CEP112: variants seen among roughly 807,000 people sequenced by gnomAD.
CEP112 encodes the protein centrosomal protein 112, also known as centrosomal protein of 112 kDa.
Under a neutral mutation model 153.0 loss-of-function variants are expected in CEP112, and 127 were observed. That is an observed-to-expected ratio of 0.83 (90% CI 0.72 to 0.96). The LOEUF (loss-of-function observed/expected upper bound fraction) is 0.96. Among genes scored for constraint, CEP112 ranks in the 40% least tolerant of loss-of-function variants. The probability of loss-of-function intolerance (pLI) is 0.00; values close to 1 mark genes in which losing one functional copy is unlikely to be tolerated. For synonymous variants in CEP112, 358 were observed against 374.4 expected (o/e 0.96, Z 0.51); for missense variants, 1,089 against 1,101.2 (o/e 0.99, Z 0.16).
intron 21 of CEP112, among the ~76,000 whole-genome samples, chr17:65,802,193 C>T (rs959881820): frequency 6.6e-6 from 1 of 152,122 alleles, no homozygotes; most frequent in Non-Finnish European, 1.5e-5. Flanking sequence ...AACAATAAGT[C>T]TTCCAGTTTT....
intron 20 of CEP112, among the ~76,000 whole-genome samples, chr17:65,871,848 T>A (rs1487529014): frequency 1.3e-5 from 2 of 152,196 alleles, no homozygotes; most frequent in Admixed American, 6.5e-5. Flanking sequence ...GTTTATAGTG[T>A]CAGTAGAGAG....
chr17:65,689,906 T>C (rs1024763406), intron 23 of CEP112, among the ~76,000 whole-genome samples: 4 of 152,136 alleles, frequency 2.6e-5, no homozygotes, highest in African/African-American at 9.7e-5. Context: ...GCTATTTCTA[T>C]AATGACACTG....
chr17:66,019,740 A>T (rs1250022870), intron 16 of CEP112, among the ~76,000 whole-genome samples: 1 of 152,216 alleles, frequency 6.6e-6, no homozygotes, highest in East Asian at 1.9e-4. Flanking sequence ...AAAGGGAATC[A>T]CTGTAGTTAT....
chr17:66,132,165 T>C (rs1251668608), intron 5 of CEP112, among the ~76,000 whole-genome samples: 2 of 34,908 alleles, frequency 5.7e-5, no homozygotes, highest in African/African-American at 2.8e-4. Context: ...TGAGACTCCA[T>C]CTCAAAAAAA....
Position 65,987,263 on chromosome 17 carries a change from A to G in CEP112, c.1736+18427T>C, listed in dbSNP as rs532107539. ...GGATATGATTAAGATGAAAAATAGA[A>G]AAGAAGCAAAAATGCAGAGCACAAT... On this transcript the variant is annotated intron_variant, in intron 17 of 26. Coordinates refer to ENST00000535342, the MANE Select transcript of CEP112 (RefSeq NM_001199165.4). 1.3e-5 allele frequency among the ~76,000 whole-genome samples: 2 copies of G among 152,272 alleles called. 1 individual carries two copies. The highest frequency in any genetic ancestry group is 2.9e-5 in the Non-Finnish European group (2 of 68,012).
intron 4 of CEP112, among the ~76,000 whole-genome samples, chr17:66,164,258 GT>G (rs1568564960): frequency 6.6e-6 from 1 of 152,096 alleles, no homozygotes; most frequent in Non-Finnish European, 1.5e-5. Flanking sequence ...ATAAAAGATT[GT>G]CAAATTAGTC....
chr17:65,817,966 A>T lies in CEP112; in HGVS notation c.2394+33838T>A, dbSNP rs1236862232. Among the ~76,000 whole-genome samples the T allele has an allele frequency of 3.3e-5, 5 of 151,966 alleles. No individual in the cohort carries two copies. The East Asian group carries it at 9.6e-4, about 29-fold the overall frequency. On this transcript the variant is annotated intron_variant, in intron 21 of 26. Transcript: ENST00000535342. ...GAAATAAACTAATTTGCATTTTTTT[A>T]AAAACCTGTGTTAAAATATATTTTC...
At chr17:66,021,129 C>T (rs908775775) in intron 16 of CEP112, among the ~76,000 whole-genome samples, 19 of 152,084 alleles carry the variant, frequency 1.2e-4, no homozygotes, top group African/African-American at 4.1e-4. Flanking sequence ...AGGCCAGGAG[C>T]GTGTGAAAAG....
intron 4 of CEP112, among the ~76,000 whole-genome samples, chr17:66,147,857 G>A (rs1053590099): frequency 6.6e-6 from 1 of 152,050 alleles, no homozygotes; most frequent in African/African-American, 2.4e-5. Context: ...GTATTCCATT[G>A]GTCTATATAT....
chr17:65,791,904 T>C (rs1161124150), intron 21 of CEP112, among the ~76,000 whole-genome samples: 1 of 152,224 alleles, frequency 6.6e-6, no homozygotes, highest in Non-Finnish European at 1.5e-5. Flanking sequence ...CAATTTTCAC[T>C]GAGTCCGCAA....
intron 6 of CEP112, among the ~76,000 whole-genome samples, chr17:66,102,287 T>G (rs999784458): frequency 6.6e-6 from 1 of 152,104 alleles, no homozygotes; most frequent in African/African-American, 2.4e-5. Flanking sequence ...AAATAACACC[T>G]GATGGAAACT....
rs137920980 is a variant in CEP112 at position 65,648,104 on chromosome 17, T to A, written c.2698-7039A>T. Among the ~76,000 whole-genome samples, 366 of 152,288 alleles carry A rather than the reference T, an allele frequency of 2.4e-3. 5 individuals carry two copies. Among genetic ancestry groups the A allele is most frequent in the African/African-American group, 8.1e-3 (337 of 41,540 alleles). The stretch of plus-strand genomic sequence containing the variant: ...TGATGTCTATTAAACACGAAGGTAT[T>A]CAAAGGCTGGTCTGCTGTGGTTCAT... On this transcript the variant is annotated intron_variant, in intron 24 of 26. Coordinates refer to ENST00000535342, the MANE Select transcript of CEP112 (RefSeq NM_001199165.4).
At chr17:65,995,295 A>G (rs1237376921) in intron 17 of CEP112, among the ~76,000 whole-genome samples, 1 of 152,106 alleles carries the variant, frequency 6.6e-6, no homozygotes, top group East Asian at 1.9e-4. Flanking sequence ...AAAGATTAAA[A>G]CTTCACAAAA....
intron 20 of CEP112, among the ~76,000 whole-genome samples, chr17:65,880,341 G>A (rs1370036844): frequency 6.6e-6 from 1 of 152,106 alleles, no homozygotes; most frequent in Non-Finnish European, 1.5e-5. Context: ...ATAAAGTCAT[G>A]ATAATGGATA....
chr17:65,768,620 AC>A (rs1203387400), intron 21 of CEP112, among the ~76,000 whole-genome samples: 1 of 152,022 alleles, frequency 6.6e-6, no homozygotes, highest in East Asian at 1.9e-4. Flanking sequence ...AGTGGGTTTT[AC>A]CCCTGACATG....
At chr17:65,895,100 C>CAT (rs2059613644) in intron 20 of CEP112, among the ~76,000 whole-genome samples, 1 of 151,996 alleles carries the variant, frequency 6.6e-6, no homozygotes, top group South Asian at 2.1e-4. Flanking sequence ...CACTAGCAGG[C>CAT]ATATGGGGTA....
intron 2 of CEP112, among the ~76,000 whole-genome samples, chr17:66,180,627 A>T (rs938921342): frequency 4.6e-5 from 7 of 152,168 alleles, no homozygotes; most frequent in African/African-American, 1.4e-4. Context: ...TGAAATAATT[A>T]TTCTTTTCAA....
At chr17:65,713,424 G>T (rs2049309413) in intron 23 of CEP112, among the ~76,000 whole-genome samples, 1 of 152,108 alleles carries the variant, frequency 6.6e-6, no homozygotes, top group Non-Finnish European at 1.5e-5. Flanking sequence ...GAACAATTTA[G>T]AATTTATTTT....
intron 24 of CEP112, among the ~76,000 whole-genome samples, chr17:65,675,405 C>T (rs7211901): frequency 0.47 from 71,705 of 151,904 alleles, 17,207 homozygotes; most frequent in Middle Eastern, 0.56. Flanking sequence ...GGGGTTTCAC[C>T]ATATTGGCCA....
Sources: gnomAD v4.1 joint callset for allele counts (sites outside exome capture counted in the v4.1 genomes callset) on GRCh38, gnomAD v4.1.1 for gene constraint, MANE v1.5 for transcripts, NCBI Gene and HGNC (gene_info 2026-07-23, HGNC 2026-07-21) for gene names.